DPP10: variants seen among roughly 807,000 people sequenced by gnomAD.
DPP10 encodes inactive dipeptidyl peptidase 10.
Under a neutral mutation model 120.9 loss-of-function variants are expected in DPP10, and 33 were observed. The observed-to-expected ratio is 0.27, with a 90% CI of 0.21 to 0.37. The LOEUF (loss-of-function observed/expected upper bound fraction) is 0.37, where lower values mean the gene tolerates loss of function less well. Ranked by LOEUF, DPP10 falls within the 10% of genes least tolerant of loss-of-function variation. The pLI is 1.00. For missense variants in DPP10, 816 were observed against 942.8 expected (o/e 0.87, Z 1.76); for synonymous variants, 337 against 326.1 (o/e 1.03, Z -0.36).
At chr2:114,865,543 A>G (rs1315078057) in intron 1 of DPP10, among the ~76,000 whole-genome samples, 6 of 152,220 alleles carry the variant, frequency 3.9e-5, no homozygotes, top group Admixed American at 6.5e-5. Flanking sequence ...TATTTAATTT[A>G]ACATGTGGAG....
At chr2:115,408,204 C>T (rs62164390) in intron 3 of DPP10, among the ~76,000 whole-genome samples, 3,526 of 152,150 alleles carry the variant, frequency 0.023, 79 homozygotes, top group Non-Finnish European at 0.034. Flanking sequence ...CCCCTGCTGT[C>T]AGTAAACTTT....
chr2:114,653,904 T>C (rs1353196766), intron 1 of DPP10, among the ~76,000 whole-genome samples: 3 of 152,264 alleles, frequency 2.0e-5, no homozygotes, highest in African/African-American at 7.2e-5. Context: ...ATGCTATCAC[T>C]TTTTCTTCTC....
intron 1 of DPP10, among the ~76,000 whole-genome samples, chr2:114,710,038 C>G (rs1700923946): frequency 6.6e-6 from 1 of 152,222 alleles, no homozygotes; most frequent in South Asian, 2.1e-4. Context: ...TCCAGTAATT[C>G]ATTCTCTCTT....
At chr2:115,290,831 C>T (rs762137439) in intron 1 of DPP10, among the ~76,000 whole-genome samples, 2 of 152,124 alleles carry the variant, frequency 1.3e-5, no homozygotes, top group Non-Finnish European at 2.9e-5. Context: ...GGACATTCTT[C>T]TATTTGGCCA....
chr2:114,728,916 G>C (rs1395603817), intron 1 of DPP10, among the ~76,000 whole-genome samples: 1 of 152,150 alleles, frequency 6.6e-6, no homozygotes, highest in Non-Finnish European at 1.5e-5. Context: ...AGAGTTTGGA[G>C]GTCTCTTTTG....
chr2:115,654,908 A>G (rs941001372), intron 5 of DPP10, among the ~76,000 whole-genome samples: 2 of 151,802 alleles, frequency 1.3e-5, no homozygotes, highest in African/African-American at 4.8e-5. Flanking sequence ...TCCCAATATC[A>G]GTTCCCACAA....
At chr2:115,782,636 A>G (rs564826905) in intron 17 of DPP10, among the ~76,000 whole-genome samples, 8 of 152,184 alleles carry the variant, frequency 5.3e-5, no homozygotes, top group African/African-American at 1.9e-4. Context: ...TAGGATATCT[A>G]CTACCTAAGT....
intron 1 of DPP10, among the ~76,000 whole-genome samples, chr2:115,283,260 C>T (rs2060234690): frequency 6.6e-6 from 1 of 151,908 alleles, no homozygotes; most frequent in South Asian, 2.1e-4. Flanking sequence ...AAAAATATTA[C>T]CACCTTAACA....
intron 1 of DPP10, among the ~76,000 whole-genome samples, chr2:115,211,319 C>G (rs1406253757): frequency 6.7e-6 from 1 of 149,910 alleles, no homozygotes. Flanking sequence ...AATCATATGG[C>G]CTAAACCAAA....
At chr2:115,655,247 A>G (rs966046387) in intron 5 of DPP10, among the ~76,000 whole-genome samples, 1 of 151,840 alleles carries the variant, frequency 6.6e-6, no homozygotes, top group African/African-American at 2.4e-5. Flanking sequence ...ATTTGGCCGA[A>G]TAAGCACAAT....
At chr2:114,470,819 T>C (rs1679842152) in intron 1 of DPP10, among the ~76,000 whole-genome samples, 1 of 152,242 alleles carries the variant, frequency 6.6e-6, no homozygotes. Context: ...ATACAAAAAG[T>C]ATTTTCATGC....
intron 1 of DPP10, among the ~76,000 whole-genome samples, chr2:114,757,870 AAC>A: frequency 6.6e-6 from 1 of 152,264 alleles, no homozygotes; most frequent in Non-Finnish European, 1.5e-5. Flanking sequence ...CTTTGGTTGA[AAC>A]ACAGCTAGTA....
At chr2:115,523,156 T>A (rs751711852) in intron 4 of DPP10, among the ~76,000 whole-genome samples, 4 of 152,064 alleles carry the variant, frequency 2.6e-5, no homozygotes, top group Non-Finnish European at 5.9e-5. Flanking sequence ...AAAAGATATT[T>A]GGAAAATTTC....
intron 5 of DPP10, among the ~76,000 whole-genome samples, chr2:115,631,725 G>A (rs917595421): frequency 1.3e-5 from 2 of 152,170 alleles, no homozygotes; most frequent in Non-Finnish European, 1.5e-5. Flanking sequence ...GTGCTTTTGA[G>A]TGAGTTTCTT....
intron 19 of DPP10, among the ~76,000 whole-genome samples, chr2:115,805,239 G>A (rs1575832436): frequency 1.3e-5 from 2 of 152,126 alleles, no homozygotes; most frequent in Non-Finnish European, 2.9e-5. Flanking sequence ...CCAGGTGTGG[G>A]GTATAATCTC....
chr2:115,127,488 AT>A (rs1407842389), intron 1 of DPP10, among the ~76,000 whole-genome samples: 6 of 152,176 alleles, frequency 3.9e-5, no homozygotes, highest in African/African-American at 1.4e-4. Flanking sequence ...CTAGAGTCAG[AT>A]GGCATTTATC....
At chr2:115,252,904 C>T (rs892982435) in intron 1 of DPP10, among the ~76,000 whole-genome samples, 2 of 152,138 alleles carry the variant, frequency 1.3e-5, no homozygotes, top group Non-Finnish European at 2.9e-5. Flanking sequence ...TTATTTTGAC[C>T]CATAGTTCCA....
intron 7 of DPP10, among the ~76,000 whole-genome samples, chr2:115,714,061 A>G (rs2092412942): frequency 6.6e-6 from 1 of 152,144 alleles, no homozygotes; most frequent in Non-Finnish European, 1.5e-5. Context: ...TTCTGCTTCT[A>G]TTCATTTCAG....
At chr2:115,356,385 T>C (rs779621196) in intron 3 of DPP10, among the ~76,000 whole-genome samples, 5 of 152,106 alleles carry the variant, frequency 3.3e-5, no homozygotes, top group Non-Finnish European at 7.4e-5. Context: ...GGAATGCTTG[T>C]GGTTTTTGCA....
Sources: gnomAD v4.1 joint callset for allele counts (sites outside exome capture counted in the v4.1 genomes callset) on GRCh38, gnomAD v4.1.1 for gene constraint, MANE v1.5 for transcripts, NCBI Gene and HGNC (gene_info 2026-07-23, HGNC 2026-07-21) for gene names.